ENTPD3: variants seen among roughly 807,000 people sequenced by gnomAD.
The protein encoded by ENTPD3 is ectonucleoside triphosphate diphosphohydrolase 3.
Under a neutral mutation model 51.2 loss-of-function variants are expected in ENTPD3, and 60 were observed. That is an observed-to-expected ratio of 1.17 (90% CI 0.95 to 1.45). ENTPD3 has a LOEUF of 1.45. Ranked by LOEUF, ENTPD3 falls within the 40% of genes most tolerant of loss-of-function variation. The pLI is 0.00. For missense variants in ENTPD3, 593 were observed against 641.1 expected (o/e 0.93, Z 0.81); for synonymous variants, 221 against 238.4 (o/e 0.93, Z 0.67).
At chr3:40,418,232 C>A (rs981464676) in intron 7 of ENTPD3, among the ~76,000 whole-genome samples, 1 of 152,078 alleles carries the variant, frequency 6.6e-6, no homozygotes, top group Admixed American at 6.6e-5. Context: ...GCTCTGCCCT[C>A]AGAGGCTTCT....
chr3:40,388,640 C>T (rs1954995677), intron 2 of ENTPD3, among the ~76,000 whole-genome samples: 3 of 149,288 alleles, frequency 2.0e-5, no homozygotes, highest in Non-Finnish European at 4.5e-5. Context: ...AAGCTTGCCC[C>T]GCCTGCCTCT....
chr3:40,416,077 C>T lies in ENTPD3; in HGVS notation c.831+4C>T, dbSNP rs1955741709. On this transcript the variant is annotated splice_donor_region_variant and intron_variant, in intron 7 of 10. Coordinates refer to ENST00000301825, the MANE Select transcript of ENTPD3 (RefSeq NM_001248.4). ...GTTTCTGGCAATGCTCCTGCAGGTA[C>T]TTGAGTCGGGGGTAGGGGGTGGCAG... The T allele has an allele frequency of 1.2e-6, 2 of 1,611,246 alleles. No individual in the cohort carries two copies. Among genetic ancestry groups the T allele is most frequent in the Non-Finnish European group, 1.7e-6 (2 of 1,177,832 alleles).
chr3:40,416,117 G>T (rs1297348940), intron 7 of ENTPD3, 44 bp downstream of exon 7: 4 of 1,453,806 alleles, frequency 2.8e-6, no homozygotes, highest in Non-Finnish European at 3.8e-6. Flanking sequence ...TCTCTTGAGG[G>T]TTTGAGCTGA....
At position 40,398,772 on chromosome 3, in the gene ENTPD3, T is replaced by C. The variant is rs557476779; in HGVS notation, c.169-2122T>C. Among the ~76,000 whole-genome samples, 4 of 152,260 alleles carry C rather than the reference T, an allele frequency of 2.6e-5. No individual in the cohort carries two copies. The South Asian group carries it at 8.3e-4, about 32-fold the overall frequency. On this transcript the variant is annotated intron_variant, in intron 3 of 10. Transcript: ENST00000301825. ...ACAAAACAAGCATTTGTAATATAGA[T>C]AATAAAAAGTTGGAAACCTCCTAAA...
intron 7 of ENTPD3, among the ~76,000 whole-genome samples, chr3:40,422,559 C>T (rs185749328): frequency 6.9e-6 from 1 of 144,504 alleles, no homozygotes; most frequent in African/African-American, 2.5e-5. Flanking sequence ...TTCCTGTGTC[C>T]ATGTGTTCTC....
chr3:40,423,224 C>A, intron 8 of ENTPD3, 67 bp from the exon 9 acceptor site: 1 of 1,544,886 alleles, frequency 6.5e-7, no homozygotes. Context: ...TCTTATTCCT[C>A]ACCCATAAAC....
At chr3:40,400,611 G>A (rs1297617126) in intron 3 of ENTPD3, among the ~76,000 whole-genome samples, 1 of 152,120 alleles carries the variant, frequency 6.6e-6, no homozygotes, top group Non-Finnish European at 1.5e-5. Flanking sequence ...TTGGTATGGG[G>A]TGTAGACTTG....
In ENTPD3 at chr3:40,425,264, GA is replaced by G. The variant is rs575236791; in HGVS notation, c.1353+1304del. On this transcript the variant is annotated intron_variant, in intron 10 of 10. Transcript: ENST00000301825. The stretch of plus-strand genomic sequence containing the variant: ...GAAACCCTGTCTCTACTAAAAATAC[GA>G]AATTAGCTGGGCATGTTGGTGCATG... Among the ~76,000 whole-genome samples the G allele has an allele frequency of 2.2e-3, 327 of 151,084 alleles. 2 individuals carry two copies. The highest frequency in any genetic ancestry group is 7.5e-3 in the African/African-American group (308 of 41,178).
intron 4 of ENTPD3, among the ~76,000 whole-genome samples, chr3:40,403,775 C>A (rs755666279): frequency 3.3e-5 from 5 of 151,766 alleles, no homozygotes; most frequent in Non-Finnish European, 7.4e-5. Context: ...ATCTCAGCCT[C>A]CTGAGTAGCT....
At chr3:40,394,321 C>T (rs747874675) in intron 3 of ENTPD3, 9 of 332,262 alleles carry the variant, frequency 2.7e-5, no homozygotes, top group Admixed American at 1.7e-4. Context: ...AGGGTTTCAC[C>T]GTGTTGACCA....
At chr3:40,409,916 C>T in intron 4 of ENTPD3, among the ~76,000 whole-genome samples, 1 of 151,912 alleles carries the variant, frequency 6.6e-6, no homozygotes, top group East Asian at 1.9e-4. Flanking sequence ...TAGTAAATTA[C>T]CATTTATCTA....
At chr3:40,417,909 G>C (rs761366378) in intron 7 of ENTPD3, among the ~76,000 whole-genome samples, 1 of 152,186 alleles carries the variant, frequency 6.6e-6, no homozygotes. Context: ...GTGAGGATCA[G>C]AGAGGCTAAT....
intron 2 of ENTPD3, among the ~76,000 whole-genome samples, chr3:40,388,585 G>GACAC (rs55657804): frequency 0.11 from 13,779 of 126,018 alleles, 768 homozygotes; most frequent in Non-Finnish European, 0.12. Context: ...CACACACACA[G>GACAC]ACACACACAC....
At chr3:40,425,343 G>A (rs1262000146) in intron 10 of ENTPD3, among the ~76,000 whole-genome samples, 2 of 152,044 alleles carry the variant, frequency 1.3e-5, no homozygotes, top group African/African-American at 4.8e-5. Flanking sequence ...TTGCACCTGG[G>A]AGGTGAAGGT....
rs772325075 is a variant in ENTPD3 at position 40,414,820 on chromosome 3, T to C, written c.577T>C (p.Leu193=). Residue 193 remains leucine (L), a synonymous_variant, in exon 6 of 11, where the codon TTA becomes CTA. Transcript: ENST00000301825. The part of the protein sequence containing the change: ...GVYGWITANY[L]MGNFLEKNLW... The stretch of plus-strand genomic sequence containing the variant: ...ATATGGATGGATTACAGCCAACTAT[T>C]TAATGGGAAATTTCCTGGAGGTGTG... 41 of 1,613,964 alleles carry C rather than the reference T, an allele frequency of 2.5e-5. No homozygotes were observed. In the East Asian group the frequency reaches 8.9e-4, roughly 35 times the overall value.
At chr3:40,392,246 C>G in intron 3 of ENTPD3, 96 bp downstream of exon 3, 6 of 1,454,312 alleles carry the variant, frequency 4.1e-6, no homozygotes, top group Non-Finnish European at 5.6e-6. Context: ...GCAGAAAATC[C>G]TTTCCCCCCA....
chr3:40,408,951 T>G (rs1204633808), intron 4 of ENTPD3, among the ~76,000 whole-genome samples: 1 of 152,002 alleles, frequency 6.6e-6, no homozygotes, highest in Non-Finnish European at 1.5e-5. Flanking sequence ...ATTAATATAT[T>G]TTTATATTAA....
At chr3:40,395,191 C>G (rs1955168127) in intron 3 of ENTPD3, among the ~76,000 whole-genome samples, 1 of 152,190 alleles carries the variant, frequency 6.6e-6, no homozygotes, top group African/African-American at 2.4e-5. Context: ...AATTTTGTCT[C>G]TAATCCTACA....
chr3:40,401,336 G>A (rs1341547093), intron 4 of ENTPD3, among the ~76,000 whole-genome samples: 2 of 152,158 alleles, frequency 1.3e-5, no homozygotes, highest in Non-Finnish European at 2.9e-5. Context: ...CAGAAATAAA[G>A]GACAATTTGT....
Sources: allele counts gnomAD v4.1 joint callset (sites outside exome capture counted in the v4.1 genomes callset), GRCh38; gene constraint gnomAD v4.1.1; transcripts MANE v1.5; gene names NCBI Gene and HGNC (gene_info 2026-07-23, HGNC 2026-07-21).